Variants in BPIFA1 observed in about 807,000 individuals in gnomAD.
BPIFA1 encodes the protein BPI fold containing family A member 1.
In BPIFA1, 24 loss-of-function variants were observed where a neutral mutation model predicts 25.1. The ratio of observed to expected loss-of-function variants is 0.96; its 90% CI spans 0.69 to 1.35. The LOEUF (loss-of-function observed/expected upper bound fraction) is 1.35, where lower values mean the gene tolerates loss of function less well. Ranked by LOEUF, BPIFA1 falls within the 40% of genes most tolerant of loss-of-function variation. BPIFA1 has a pLI of 0.00. For missense variants in BPIFA1, 344 were observed against 303.7 expected (o/e 1.13, Z -0.99); for synonymous variants, 139 against 131.8 (o/e 1.05, Z -0.37).
intron 5 of BPIFA1, among the ~76,000 whole-genome samples, chr20:33,240,633 T>G (rs1409437216): frequency 7.1e-6 from 1 of 139,936 alleles, no homozygotes; most frequent in African/African-American, 2.6e-5. Flanking sequence ...GATAGATGGA[T>G]GGATAGATAG....
intron 4 of BPIFA1, 122 bp downstream of exon 4, chr20:33,240,032 G>A: frequency 7.5e-7 from 1 of 1,329,312 alleles, no homozygotes; most frequent in Non-Finnish European, 1.1e-6. Context: ...CAGCTCATTT[G>A]CTGCTATGCT....
At chr20:33,241,142 T>C (rs1600641757) in intron 5 of BPIFA1, among the ~76,000 whole-genome samples, 2 of 152,228 alleles carry the variant, frequency 1.3e-5, no homozygotes, top group Admixed American at 6.5e-5. Context: ...CAAAGCCTTA[T>C]TGGCACCTGC....
At chr20:33,237,950 G>C (rs902016822) in intron 2 of BPIFA1, 79 bp downstream of exon 2, 6 of 1,364,720 alleles carry the variant, frequency 4.4e-6, no homozygotes, top group Admixed American at 2.2e-5. Context: ...GTGTGTGTGT[G>C]TCCAACCCTG....
intron 1 of BPIFA1, among the ~76,000 whole-genome samples, chr20:33,237,182 T>C (rs1270566423): frequency 6.6e-6 from 1 of 152,162 alleles, no homozygotes; most frequent in Non-Finnish European, 1.5e-5. Context: ...TAATCCTCTG[T>C]CCACCGTGTA....
Position 33,242,124 on chromosome 20 carries a change from G to T in BPIFA1, c.730+5G>T. 1 of 1,613,902 alleles carries T rather than the reference G, an allele frequency of 6.2e-7. No homozygotes were observed. The highest frequency in any genetic ancestry group is 2.2e-5 in the East Asian group (1 of 44,878). The stretch of plus-strand genomic sequence containing the variant: ...CCCTGGTGCATGACATTGTTAGTAA[G>T]TACCTGCTTTCAAGCCCTCTGTCCC... On this transcript the variant is annotated splice_donor_5th_base_variant and intron_variant, in intron 7 of 8. Transcript: ENST00000354297.
At chr20:33,242,675 GAGGTACACAC>G in intron 8 of BPIFA1, 114 bp downstream of exon 8, 2 of 770,864 alleles carry the variant, frequency 2.6e-6, no homozygotes, top group Non-Finnish European at 4.3e-6. Flanking sequence ...AACATCTACA[GAGGTACACAC>G]AGGGATGCAC....
chr20:33,236,809 T>C (rs919429558), intron 1 of BPIFA1, among the ~76,000 whole-genome samples: 1 of 152,204 alleles, frequency 6.6e-6, no homozygotes, highest in Admixed American at 6.5e-5. Flanking sequence ...CATCAATTTA[T>C]TGTATGACCT....
intron 7 of BPIFA1, 33 bp from the exon 8 acceptor site, chr20:33,242,454 G>A (rs185041484): frequency 8.1e-6 from 13 of 1,612,708 alleles, no homozygotes; most frequent in African/African-American, 1.3e-5. Context: ...CATAACTGTC[G>A]TCTGTTTTTT....
rs1192792956 is a variant in BPIFA1, at chr20:33,242,046, C to G, written c.667-10C>G. 1.4e-5 allele frequency: 22 copies of G among 1,613,706 alleles called. No individual in the cohort carries two copies. The highest frequency in any genetic ancestry group is 1.8e-5 in the Non-Finnish European group (21 of 1,179,710). On this transcript the variant is annotated splice_polypyrimidine_tract_variant and intron_variant, in intron 6 of 8. Transcript: ENST00000354297. ...CACTCTGCCTAACTCTCCTCTCTGC[C>G]CCTGGCCAGGTGTGCCCTCTGGTCA...
Position 33,241,464 on chromosome 20 carries a change from G to C in BPIFA1, c.661G>C (p.Gly221Arg), listed in dbSNP as rs1345223859. 5 of 1,612,654 alleles carry C rather than the reference G, an allele frequency of 3.1e-6. No individual in the cohort carries two copies. The South Asian group carries it at 4.4e-5, about 14-fold the overall frequency. The change falls in exon 6 of 9, where the codon GGC becomes CGC. Residue 221 changes from glycine (G) to arginine (R), a missense_variant. Transcript: ENST00000354297. ...TAAAGTCCTGCCTGAGTTGGTTCAG[G>C]GCAACGTAAGTAGGCAAGGTGGGGA... Reference protein sequence around the residue: ...LNKVLPELVQGNVCPLVNEVL... With the variant: ...LNKVLPELVQRNVCPLVNEVL...
chr20:33,239,754 G>C, intron 3 of BPIFA1, 49 bp from the exon 4 acceptor site: 1 of 1,530,196 alleles, frequency 6.5e-7, no homozygotes, highest in Non-Finnish European at 9.1e-7. Flanking sequence ...TTCTGGGTTT[G>C]GAGCTAGAGG....
Position 33,242,515 on chromosome 20 carries a change from C to T in BPIFA1, c.759C>T (p.Val253=). 1 of 1,614,074 alleles carries T rather than the reference C, an allele frequency of 6.2e-7. No homozygotes were observed. The highest frequency in any genetic ancestry group is 1.1e-5 in the South Asian group (1 of 91,068). Residue 253 remains valine (V), a synonymous_variant, in exon 8 of 9, where the codon GTC becomes GTT. Coordinates refer to ENST00000354297, the MANE Select transcript of BPIFA1 (RefSeq NM_130852.3). ...VNMLIHGLQF[V]IKV is the part of the protein sequence containing the mutation. ...TGCTGATCCACGGACTACAGTTTGT[C>T]ATCAAGGTCTAAGCCTTCCAGGAAG...
At chr20:33,237,132 G>A (rs116942852) in intron 1 of BPIFA1, among the ~76,000 whole-genome samples, 2,412 of 152,312 alleles carry the variant, frequency 0.016, 23 homozygotes, top group Middle Eastern at 0.031. Flanking sequence ...AAATCTGATG[G>A]TTACTTAATT....
At chr20:33,239,068 C>A (rs746178948) in intron 3 of BPIFA1, among the ~76,000 whole-genome samples, 6 of 152,134 alleles carry the variant, frequency 3.9e-5, no homozygotes, top group African/African-American at 1.4e-4. Flanking sequence ...AATCACCTGG[C>A]GCAGTGGCTG....
At chr20:33,237,969 G>A (rs1978771780) in intron 2 of BPIFA1, 86 bp from the exon 3 acceptor site, 2 of 1,540,092 alleles carry the variant, frequency 1.3e-6, no homozygotes, top group Non-Finnish European at 1.7e-6. Context: ...TGCAAAGTGG[G>A]GAGGGACAGG....
chr20:33,237,518 G>T (rs969736366), intron 1 of BPIFA1, among the ~76,000 whole-genome samples, 179 bp from the exon 2 acceptor site: 1 of 152,160 alleles, frequency 6.6e-6, no homozygotes, highest in East Asian at 1.9e-4. Context: ...AGATGAAATT[G>T]TGTAAAGTGG....
intron 3 of BPIFA1, 83 bp downstream of exon 3, chr20:33,238,297 G>A: frequency 7.1e-7 from 1 of 1,400,498 alleles, no homozygotes; most frequent in Admixed American, 2.3e-5. Context: ...TGACCCTGAA[G>A]CAGCGACCCT....
chr20:33,241,106 T>C (rs1978958703), intron 5 of BPIFA1, among the ~76,000 whole-genome samples: 1 of 152,238 alleles, frequency 6.6e-6, no homozygotes, highest in East Asian at 1.9e-4. Context: ...ACATACTAAG[T>C]AGTATCCATT....
chr20:33,237,748 C>G lies in BPIFA1; in HGVS notation c.37C>G (p.Leu13Val). The change falls in exon 2 of 9, where the codon CTG becomes GTG. Residue 13 changes from leucine (L) to valine (V), a missense_variant. Leu to Val is a conservative substitution (Grantham distance 32). Transcript: ENST00000354297. ...TGGGGGCCTCATTGTCTTCTACGGG[C>G]TGTTAGCCCAGACCATGGCCCAGTT... ...QTGGLIVFYGLLAQTMAQFGG... is the reference protein window; with the variant it reads ...QTGGLIVFYGVLAQTMAQFGG... The G allele has an allele frequency of 6.5e-7, 1 of 1,531,896 alleles. No individual in the cohort carries two copies. The highest frequency in any genetic ancestry group is 8.8e-7 in the Non-Finnish European group (1 of 1,140,666). 94.9% of individuals were successfully genotyped at this position (1,531,896 alleles called of 1,614,324 possible). A position where few individuals can be genotyped will look rare whatever the true frequency, so the allele number is the denominator to read the frequency against.
Sources: gnomAD v4.1 joint callset for allele counts (sites outside exome capture counted in the v4.1 genomes callset) on GRCh38, gnomAD v4.1.1 for gene constraint, MANE v1.5 for transcripts, NCBI Gene and HGNC (gene_info 2026-07-23, HGNC 2026-07-21) for gene names.